The following TRPM2 variants were observed in gnomAD, a reference collection of about 807,000 sequenced individuals.
The protein encoded by TRPM2 is transient receptor potential cation channel subfamily M member 2.
Under a neutral mutation model 174.0 loss-of-function variants are expected in TRPM2, and 161 were observed. The ratio of observed to expected loss-of-function variants is 0.93; its 90% CI spans 0.81 to 1.05. The LOEUF (loss-of-function observed/expected upper bound fraction) is 1.05, where lower values mean the gene tolerates loss of function less well. TRPM2 is among the 50% of genes least tolerant of loss of function. TRPM2 has a pLI of 0.00. For synonymous variants in TRPM2, 954 were observed against 861.3 expected, an observed-to-expected ratio of 1.11 and a Z score of -1.88; for missense variants, 2,057 against 2,038.0, an observed-to-expected ratio of 1.01 and a Z score of -0.18.
chr21:44,391,154 A>G lies in TRPM2; in HGVS notation c.1441-118A>G. 6.5e-7 allele frequency: 1 copy of G among 1,548,178 alleles called. No homozygotes were observed. The highest frequency in any genetic ancestry group is 2.3e-5 in the East Asian group (1 of 44,314). ...TCCCTTGAGGGTGGGTGACCTGGGC[A>G]GCTTTCATCCTCCCCAGGTTGGGGA... On this transcript the variant is annotated intron_variant, in intron 10 of 31. Coordinates refer to ENST00000397928, the MANE Select transcript of TRPM2 (RefSeq NM_003307.4). The surrounding 1 kb of genome is among the most constrained non-coding windows in gnomAD (Gnocchi z 5.0).
rs1414557404 is a variant in TRPM2 at position 44,364,212 on chromosome 21, A to G, written c.353A>G (p.His118Arg). The G allele has an allele frequency of 6.2e-7, 1 of 1,614,242 alleles. No individual in the cohort carries two copies. Among genetic ancestry groups the G allele is most frequent in the Non-Finnish European group, 8.5e-7 (1 of 1,180,044 alleles). ...FQGTQWDPKK[H>R]VQEMPTDAFG... ...GGCACACAGTGGGACCCAAAGAAAC[A>G]TGTCCAGGAGATGCCAACCGATGCC... The change falls in exon 3 of 32, where the codon CAT becomes CGT. Residue 118 changes from histidine to arginine, a missense_variant. By Grantham distance (29) the His-to-Arg change is conservative. Coordinates refer to ENST00000397928, the MANE Select transcript of TRPM2 (RefSeq NM_003307.4).
Position 44,432,758 on chromosome 21 carries a change from G to A in TRPM2, c.3975-2373G>A, listed in dbSNP as rs930921569. Among the ~76,000 whole-genome samples the A allele has an allele frequency of 6.6e-6, 1 of 152,164 alleles. No individual in the cohort carries two copies. Among genetic ancestry groups the A allele is most frequent in the Non-Finnish European group, 1.5e-5 (1 of 68,040 alleles). ...GTCAGGTCAGCAAAGATTCTGCCTT[G>A]TTCAACCCATAGGCCAGCTCTCCAC... On this transcript the variant is annotated intron_variant, in intron 27 of 31. Coordinates refer to ENST00000397928, the MANE Select transcript of TRPM2 (RefSeq NM_003307.4). The surrounding 1 kb of genome is among the most constrained non-coding windows in gnomAD (Gnocchi z 4.9).
At chr21:44,425,559 T>G in intron 24 of TRPM2, 111 bp from the exon 25 acceptor site, 2 of 1,295,424 alleles carry the variant, frequency 1.5e-6, no homozygotes, top group East Asian at 2.8e-5. Flanking sequence ...CTCGGGGAGG[T>G]GGAGGAGCCC....
rs1048301580 is a variant in TRPM2, at chr21:44,438,284, G to A, written c.4168-783G>A. 3.3e-5 allele frequency among the ~76,000 whole-genome samples: 5 copies of A among 152,178 alleles called. No individual in the cohort carries two copies. The highest frequency in any genetic ancestry group is 2.1e-4 in the South Asian group (1 of 4,834). On this transcript the variant is annotated intron_variant, in intron 29 of 31. Coordinates refer to ENST00000397928, the MANE Select transcript of TRPM2 (RefSeq NM_003307.4). The surrounding 1 kb of genome is among the most constrained non-coding windows in gnomAD (Gnocchi z 5.9). ...GGCCCTGGAACACGAGTCACCCTCC[G>A]CTCTCTGGCACTTTGGCCTCTCCAT...
intron 2 of TRPM2, among the ~76,000 whole-genome samples, chr21:44,360,998 C>G (rs2048192616): frequency 2.6e-5 from 4 of 152,162 alleles, no homozygotes; most frequent in Admixed American, 2.6e-4. Flanking sequence ...CATCCCTGAT[C>G]CCTGCAACCA....
At position 44,397,738 on chromosome 21, in the gene TRPM2, G is replaced by A. The variant is rs377185280; in HGVS notation, c.1933-9G>A. The stretch of plus-strand genomic sequence containing the variant: ...TCTTTAGTCTCACGGTGGCTCCTCT[G>A]GTCCCCAGAGCCAGGACTGCATCGC... On this transcript the variant is annotated splice_polypyrimidine_tract_variant and intron_variant, in intron 12 of 31. Coordinates refer to ENST00000397928, the MANE Select transcript of TRPM2 (RefSeq NM_003307.4). 1.7e-4 allele frequency: 270 copies of A among 1,562,618 alleles called. No homozygotes were observed. Among genetic ancestry groups the A allele is most frequent in the Non-Finnish European group, 2.3e-4 (260 of 1,152,600 alleles).
At chr21:44,425,569 C>T (rs913544018) in intron 24 of TRPM2, 101 bp from the exon 25 acceptor site, 1 of 1,352,414 alleles carries the variant, frequency 7.4e-7, no homozygotes, top group African/African-American at 1.5e-5. Context: ...TGGAGGAGCC[C>T]AGATGTTTTG....
chr21:44,407,316 G>A (rs976685163), intron 19 of TRPM2, among the ~76,000 whole-genome samples: 18 of 149,060 alleles, frequency 1.2e-4, no homozygotes, highest in African/African-American at 4.5e-4. Context: ...TGTAGAGATG[G>A]GGGTTTCAGC....
rs1354479049 is a variant in TRPM2 at position 44,423,738 on chromosome 21, T to G, written c.3549+6T>G. 6.2e-7 allele frequency: 1 copy of G among 1,600,100 alleles called. No homozygotes were observed. On this transcript the variant is annotated splice_donor_region_variant and intron_variant, in intron 23 of 31. Coordinates refer to ENST00000397928, the MANE Select transcript of TRPM2 (RefSeq NM_003307.4). ...TGGCCTCCCTGGAGGAGCAGGTGGG[T>G]CCGAGGTCGGGGCCTCCGTCAGGAG...
At position 44,418,035 on chromosome 21, in the gene TRPM2, C is replaced by T. The variant is rs759973824; in HGVS notation, c.3255C>T (p.Ile1085=). Reference sequence around the variant, plus strand: ...GCCCCGCCGCGCCGCCCCCCTTCATCCTCCTCAGCCACCTGCAGCTCTTCA... The same window carrying T: ...GCCCCGCCGCGCCGCCCCCCTTCATTCTCCTCAGCCACCTGCAGCTCTTCA... The part of the protein sequence containing the change: ...HGRPAAPPPF[I]LLSHLQLFIK... The change falls in exon 21 of 32, where the codon ATC becomes ATT. Residue 1085 remains isoleucine (I), a synonymous_variant. Transcript: ENST00000397928. 1.2e-6 allele frequency: 2 copies of T among 1,613,278 alleles called. No individual in the cohort carries two copies. Among genetic ancestry groups the T allele is most frequent in the Non-Finnish European group, 1.7e-6 (2 of 1,180,016 alleles).
chr21:44,425,390 C>G (rs576370982), intron 24 of TRPM2: 21 of 431,070 alleles, frequency 4.9e-5, no homozygotes, highest in African/African-American at 3.0e-4. Context: ...TATTTGCCCT[C>G]GTAACCGCAC....
intron 2 of TRPM2, among the ~76,000 whole-genome samples, chr21:44,356,818 A>G (rs4818910): frequency 0.27 from 41,380 of 152,086 alleles, 6,461 homozygotes; most frequent in African/African-American, 0.44. Context: ...ATGGGAAAGG[A>G]GCGGGGATTT....
intron 2 of TRPM2, among the ~76,000 whole-genome samples, chr21:44,357,577 G>A (rs1215316042): frequency 1.3e-5 from 2 of 152,204 alleles, no homozygotes; most frequent in Non-Finnish European, 2.9e-5. Flanking sequence ...CGAGAAGCAC[G>A]TGGCCACCTG....
At chr21:44,388,650 C>CA (rs60322957) in intron 9 of TRPM2, among the ~76,000 whole-genome samples, 3,275 of 82,956 alleles carry the variant, frequency 0.039, 88 homozygotes, top group East Asian at 0.078. Flanking sequence ...CCTGTCACTA[C>CA]AAAAAAAAAA....
At position 44,353,778 on chromosome 21, in the gene TRPM2, C is replaced by A. The variant is rs1362873885; in HGVS notation, c.78C>A (p.Asp26Glu). The A allele has an allele frequency of 2.5e-6, 4 of 1,603,228 alleles. No individual in the cohort carries two copies. The South Asian group carries it at 4.5e-5, about 18-fold the overall frequency. Reference protein sequence around the residue: ...GFEGLPRRVTDLGMVSNLRRS... With the variant: ...GFEGLPRRVTELGMVSNLRRS... ...AGGGGCTGCCCAGAAGGGTCACTGA[C>A]CTGGGGATGGTCTCCAATCTCCGGC... Residue 26 changes from aspartate (D) to glutamate (E), a missense_variant, in exon 1 of 32, where the codon GAC becomes GAA. By Grantham distance (45) the Asp-to-Glu change is conservative. Coordinates refer to ENST00000397928, the MANE Select transcript of TRPM2 (RefSeq NM_003307.4).
Position 44,353,951 on chromosome 21 carries a change from G to A in TRPM2, c.165+86G>A, listed in dbSNP as rs563962557. On this transcript the variant is annotated intron_variant, in intron 1 of 31. Transcript: ENST00000397928. ...GGTCATAGCTTGAGGCTGTGACGACGGGGGTGGGAAAGGGTCTGCTGACCT... is the reference window on the plus strand; with the variant it reads ...GGTCATAGCTTGAGGCTGTGACGACAGGGGTGGGAAAGGGTCTGCTGACCT... 1.2e-5 allele frequency: 18 copies of A among 1,486,984 alleles called. No homozygotes were observed. In the East Asian group the frequency reaches 2.7e-4, roughly 22 times the overall value. The allele number at this position is 1,486,984 out of a possible 1,614,324, so 92.1% of individuals were successfully genotyped here.
At chr21:44,418,256 A>G (rs2050385155) in intron 21 of TRPM2, 148 bp downstream of exon 21, 1 of 1,375,888 alleles carries the variant, frequency 7.3e-7, no homozygotes. Context: ...GCCTTGAGCA[A>G]GTGGTGGGGG....
rs147849589 is a variant in TRPM2 at position 44,391,180 on chromosome 21, C to T, written c.1441-92C>T. 1,279 of 1,528,526 alleles carry T rather than the reference C, an allele frequency of 8.4e-4. 7 individuals carry two copies. The African/African-American group carries it at 0.015, about 18-fold the overall frequency. The allele number at this position is 1,528,526 out of a possible 1,614,324, so 94.7% of individuals were successfully genotyped here. A position where few individuals can be genotyped will look rare whatever the true frequency, so the allele number is the denominator to read the frequency against. On this transcript the variant is annotated intron_variant, in intron 10 of 31. Transcript: ENST00000397928. This position sits in a 1 kb window ranked among gnomAD's most constrained non-coding sequence, Gnocchi z 5.0. ...GCTTTCATCCTCCCCAGGTTGGGGA[C>T]AACAGCAGCCCCCATCTCCAGGGTC...
chr21:44,373,888 C>T (rs1374423916), intron 5 of TRPM2, among the ~76,000 whole-genome samples: 1 of 152,212 alleles, frequency 6.6e-6, no homozygotes, highest in African/African-American at 2.4e-5. Flanking sequence ...GCAAAGTTGG[C>T]CTTCCCTCCA....
Sources: allele counts gnomAD v4.1 joint callset (sites outside exome capture counted in the v4.1 genomes callset), GRCh38; gene constraint gnomAD v4.1.1; non-coding constraint Gnocchi (gnomAD v3.1); transcripts MANE v1.5; gene names NCBI Gene and HGNC (gene_info 2026-07-23, HGNC 2026-07-21).